The following FEM1C variants were observed in gnomAD, a reference collection of about 807,000 sequenced individuals.
The protein encoded by FEM1C is protein fem-1 homolog C.
A neutral mutation model predicts 37.6 loss-of-function variants in FEM1C; 15 were observed. The ratio of observed to expected loss-of-function variants is 0.40; its 90% CI spans 0.27 to 0.61. The LOEUF (loss-of-function observed/expected upper bound fraction) is 0.61, where lower values mean the gene tolerates loss of function less well. Ranked by LOEUF, FEM1C falls within the 20% of genes least tolerant of loss-of-function variation. FEM1C has a pLI of 0.42. For synonymous variants in FEM1C, 287 were observed against 272.8 expected, an observed-to-expected ratio of 1.05 and a Z score of -0.51; for missense variants, 532 against 749.7, an observed-to-expected ratio of 0.71 and a Z score of 3.39.
chr5:115,537,034 C>G (rs1207532006), intron 2 of FEM1C, among the ~76,000 whole-genome samples: 1 of 151,956 alleles, frequency 6.6e-6, no homozygotes, highest in Non-Finnish European at 1.5e-5. Flanking sequence ...CATTATAATT[C>G]CCTGTCCTCT....
In FEM1C at chr5:115,521,264, C is replaced by T. The variant is rs911572511; in HGVS notation, c.*3044G>A. On this transcript the variant is annotated 3_prime_UTR_variant, in exon 3 of 3. Coordinates refer to ENST00000274457, the MANE Select transcript of FEM1C (RefSeq NM_020177.3). ...AAAATTAATTACAAAAATTATCATA[C>T]CTGTAAATTCAGCCTAAGGTTTCTG... The T allele has an allele frequency of 1.2e-4, 18 of 151,702 alleles. No individual in the cohort carries two copies. The highest frequency in any genetic ancestry group is 4.1e-4 in the African/African-American group (17 of 41,492). 9.4% of individuals were successfully genotyped at this position (151,702 alleles called of 1,614,324 possible). A position where few individuals can be genotyped will look rare whatever the true frequency, so the allele number is the denominator to read the frequency against.
rs1421242838 is a variant in FEM1C, at chr5:115,522,982, A to G, written c.*1326T>C. The G allele has an allele frequency of 6.6e-6, 1 of 152,342 alleles. No individual in the cohort carries two copies. The highest frequency in any genetic ancestry group is 1.5e-5 in the Non-Finnish European group (1 of 67,890). 9.4% of individuals were successfully genotyped at this position (152,342 alleles called of 1,614,324 possible). On this transcript the variant is annotated 3_prime_UTR_variant, in exon 3 of 3. Coordinates refer to ENST00000274457, the MANE Select transcript of FEM1C (RefSeq NM_020177.3). The stretch of plus-strand genomic sequence containing the variant: ...GAGAGAAAGAGAAAGAGAAAGAAAG[A>G]GTGAGAGAAAGAAAGGAAGAAAGAG...
At chr5:115,543,772 G>A in intron 1 of FEM1C, 89 bp from the exon 2 acceptor site, 1 of 1,212,124 alleles carries the variant, frequency 8.2e-7, no homozygotes, top group South Asian at 2.3e-5. Context: ...GGGAAGAAAG[G>A]AATAAAAGCT....
chr5:115,535,233 C>T (rs548851808), intron 2 of FEM1C, among the ~76,000 whole-genome samples: 2 of 148,192 alleles, frequency 1.3e-5, no homozygotes, highest in African/African-American at 5.0e-5. Flanking sequence ...CTTAAAAATC[C>T]GTTTGTAAAA....
chr5:115,533,148 A>G (rs1412923032), intron 2 of FEM1C, among the ~76,000 whole-genome samples: 1 of 152,080 alleles, frequency 6.6e-6, no homozygotes, highest in African/African-American at 2.4e-5. Flanking sequence ...GATTATAAAA[A>G]TTGTTTAAAG....
chr5:115,528,936 T>C (rs1157897192), intron 2 of FEM1C, among the ~76,000 whole-genome samples: 1 of 152,068 alleles, frequency 6.6e-6, no homozygotes, highest in Non-Finnish European at 1.5e-5. Context: ...GCTTTAAAAG[T>C]GGATTTACAC....
intron 2 of FEM1C, 115 bp from the exon 3 acceptor site, chr5:115,525,732 A>G: frequency 1.3e-6 from 1 of 788,012 alleles, no homozygotes; most frequent in East Asian, 2.7e-5. Context: ...GTTCCTAAGT[A>G]GGACATACTT....
rs1449436565 is a variant in FEM1C, at chr5:115,522,179, C to T, written c.*2129G>A. 1 of 143,762 alleles carries T rather than the reference C, an allele frequency of 7.0e-6. No individual in the cohort carries two copies. The highest frequency in any genetic ancestry group is 1.5e-5 in the Non-Finnish European group (1 of 65,118). 8.9% of individuals were successfully genotyped at this position (143,762 alleles called of 1,614,324 possible). On this transcript the variant is annotated 3_prime_UTR_variant, in exon 3 of 3. Transcript: ENST00000274457. ...AATCAATTAAAAATTCAATTGTCAT[C>T]TGTTATCCTCAAATTATCGAGATCA...
rs1413730542 is a variant in FEM1C, at chr5:115,529,041, T to C, written c.545-3424A>G. 2.6e-5 allele frequency among the ~76,000 whole-genome samples: 4 copies of C among 152,090 alleles called. No homozygotes were observed. In the East Asian group the frequency reaches 5.8e-4, roughly 22 times the overall value. On this transcript the variant is annotated intron_variant, in intron 2 of 2. Coordinates refer to ENST00000274457, the MANE Select transcript of FEM1C (RefSeq NM_020177.3). ...GTAAAAGAACAGAAAAGATGGAGAC[T>C]ATAAGAGAAAGAGGGAACAACGTCA... is the stretch of plus-strand genomic sequence containing the variant.
rs373137669 is a variant in FEM1C, at chr5:115,523,283, A to C, written c.*1025T>G. ...CATGCTTTAGCTCTTTTTGTAACTA[A>C]AAGTGATTTGCAGTTCAATTACTGA... On this transcript the variant is annotated 3_prime_UTR_variant, in exon 3 of 3. Coordinates refer to ENST00000274457, the MANE Select transcript of FEM1C (RefSeq NM_020177.3). The C allele has an allele frequency of 5.9e-5, 9 of 152,586 alleles. No individual in the cohort carries two copies. In the South Asian group the frequency reaches 1.9e-3, roughly 32 times the overall value. 9.5% of individuals were successfully genotyped at this position (152,586 alleles called of 1,614,324 possible).
chr5:115,526,926 G>C (rs941125327), intron 2 of FEM1C, among the ~76,000 whole-genome samples: 2 of 152,104 alleles, frequency 1.3e-5, no homozygotes, highest in African/African-American at 4.8e-5. Flanking sequence ...TTGGGTATGA[G>C]CTAGGCACAG....
Position 115,522,160 on chromosome 5 carries a change from T to C in FEM1C, c.*2148A>G, listed in dbSNP as rs971644435. 7.7e-6 allele frequency: 1 copy of C among 130,658 alleles called. No homozygotes were observed. Among genetic ancestry groups the C allele is most frequent in the African/African-American group, 2.8e-5 (1 of 35,656 alleles). The allele number at this position is 130,658 out of a possible 1,614,324, so 8.1% of individuals were successfully genotyped here. ...AGAGGAGGAGGAAATACTAAATCAA[T>C]TAAAAATTCAATTGTCATCTGTTAT... is the stretch of plus-strand genomic sequence containing the variant. On this transcript the variant is annotated 3_prime_UTR_variant, in exon 3 of 3. Transcript: ENST00000274457.
chr5:115,536,024 C>T (rs1407931852), intron 2 of FEM1C, among the ~76,000 whole-genome samples: 1 of 151,820 alleles, frequency 6.6e-6, no homozygotes, highest in Non-Finnish European at 1.5e-5. Context: ...AAACTTAAGA[C>T]AGAAAAGAGA....
chr5:115,525,069 A>G lies in FEM1C; in HGVS notation c.1093T>C (p.Leu365=), dbSNP rs564348258. 6.2e-7 allele frequency: 1 copy of G among 1,613,798 alleles called. No individual in the cohort carries two copies. Among genetic ancestry groups the G allele is most frequent in the African/African-American group, 1.3e-5 (1 of 75,018 alleles). ...TCCAAATTGCTCTGCTGCATATCCA[A>G]AGCATACTTCCATAGGTTGATGCAT... ...KRCINLWKYA[L]DMQQSNLDPL... Residue 365 remains leucine, a synonymous_variant, in exon 3 of 3, where the codon TTG becomes CTG. Transcript: ENST00000274457.
rs1441360844 is a variant in FEM1C, at chr5:115,542,940, C to G, written c.544+10G>C. 1 of 1,602,748 alleles carries G rather than the reference C, an allele frequency of 6.2e-7. No homozygotes were observed. Among genetic ancestry groups the G allele is most frequent in the Non-Finnish European group, 8.5e-7 (1 of 1,174,136 alleles). ...GTAGACATTTAGAAAAACAAAGAAG[C>G]TGAACTCACCTTTGACACTTTTTCT... is the stretch of plus-strand genomic sequence containing the variant. On this transcript the variant is annotated intron_variant, in intron 2 of 2. Transcript: ENST00000274457.
chr5:115,539,959 T>C (rs1029422351), intron 2 of FEM1C, among the ~76,000 whole-genome samples: 3 of 152,160 alleles, frequency 2.0e-5, no homozygotes, highest in South Asian at 2.1e-4. Context: ...AGAAGTCACA[T>C]GCATTTTATC....
intron 2 of FEM1C, among the ~76,000 whole-genome samples, chr5:115,541,451 T>C (rs1486669710): frequency 1.3e-5 from 2 of 152,150 alleles, no homozygotes; most frequent in East Asian, 1.9e-4. Flanking sequence ...AGTAACTATA[T>C]AGTGCCCCAT....
At position 115,524,535 on chromosome 5, in the gene FEM1C, T is replaced by C; in HGVS notation, c.1627A>G (p.Ile543Val). Residue 543 changes from isoleucine (I) to valine (V), a missense_variant, in exon 3 of 3, where the codon ATC (isoleucine) becomes GTC (valine). Ile to Val is a conservative substitution (Grantham distance 29). Around this residue, in one of 3 missense-constraint regions of FEM1C, gnomAD observed 237 missense variants for 260.5 expected, o/e 0.91. Transcript: ENST00000274457. ...CCTGATTTAATAAGGAGATTCATGA[T>C]GTCTGGATGGTTGTTAAGAGCAGCG... The part of the protein sequence containing the change: ...HIAALNNHPD[I>V]MNLLIKSGAH... 1.2e-6 allele frequency: 2 copies of C among 1,613,454 alleles called. No homozygotes were observed. Among genetic ancestry groups the C allele is most frequent in the East Asian group, 2.2e-5 (1 of 44,868 alleles).
At chr5:115,537,727 T>C (rs1242882654) in intron 2 of FEM1C, among the ~76,000 whole-genome samples, 1 of 152,024 alleles carries the variant, frequency 6.6e-6, no homozygotes, top group African/African-American at 2.4e-5. Context: ...TTAGAATAAG[T>C]CCCTCCCTTC....
Sources: gnomAD v4.1 joint callset for allele counts (sites outside exome capture counted in the v4.1 genomes callset) on GRCh38, gnomAD v4.1.1 for gene constraint, gnomAD v4.1.1 regional missense constraint, MANE v1.5 for transcripts, NCBI Gene and HGNC (gene_info 2026-07-23, HGNC 2026-07-21) for gene names.